ACACA: variants seen among roughly 807,000 people sequenced by gnomAD.
ACACA encodes acetyl-CoA carboxylase alpha.
A neutral mutation model predicts 296.1 loss-of-function variants in ACACA; 103 were observed. That is an observed-to-expected ratio of 0.35 (90% CI 0.30 to 0.41). The LOEUF is 0.41. Among genes scored for constraint, ACACA ranks in the 10% least tolerant of loss-of-function variants. ACACA has a pLI of 1.00. For synonymous variants in ACACA, 953 were observed against 1,038.6 expected (o/e 0.92, Z 1.58); for missense variants, 1,554 against 2,989.7 (o/e 0.52, Z 11.20).
intron 55 of ACACA, among the ~76,000 whole-genome samples, chr17:37,087,869 T>TATCA (rs2072324726): frequency 1.3e-5 from 2 of 152,150 alleles, no homozygotes; most frequent in Admixed American, 6.5e-5. Flanking sequence ...GTTGGAAAGT[T>TATCA]ATCATTTTGC....
At position 37,179,992 on chromosome 17, in the gene ACACA, T is replaced by TA. The variant is rs1244131341; in HGVS notation, c.4933-587dup. On this transcript the variant is annotated intron_variant, in intron 40 of 55. Transcript: ENST00000616317. ...TTTGACACAGACATACCAATTCATT[T>TA]AAAAAATATTATGATTTCCATTTCC... Among the ~76,000 whole-genome samples, 5 of 152,312 alleles carry TA rather than the reference T, an allele frequency of 3.3e-5. No homozygotes were observed. In the East Asian group the frequency reaches 9.6e-4, roughly 29 times the overall value.
At chr17:37,213,617 CCA>C (rs1555599306) in intron 29 of ACACA, among the ~76,000 whole-genome samples, 2 of 152,134 alleles carry the variant, frequency 1.3e-5, no homozygotes, top group Non-Finnish European at 2.9e-5. Context: ...GTGTCATAAA[CCA>C]CAATCTAGAC....
intron 1 of ACACA, chr17:37,391,527 C>T: frequency 1.2e-6 from 1 of 846,016 alleles, no homozygotes; most frequent in East Asian, 2.4e-5. Context: ...AACAAAGAGG[C>T]AAAATGAAGT....
intron 41 of ACACA, among the ~76,000 whole-genome samples, chr17:37,174,007 TATA>T (rs1567762036): frequency 1.1e-3 from 17 of 15,644 alleles, no homozygotes; most frequent in African/African-American, 2.7e-3. Flanking sequence ...TATATATATA[TATA>T]TATATATATA....
chr17:37,361,383 G>A (rs2049399446), intron 1 of ACACA, among the ~76,000 whole-genome samples: 1 of 152,050 alleles, frequency 6.6e-6, no homozygotes, highest in South Asian at 2.1e-4. Context: ...TACAAGCTCT[G>A]CAAAACCAGG....
rs546275529 is a variant in ACACA, at chr17:37,329,750, G to A, written c.338+423C>T. On this transcript the variant is annotated intron_variant, in intron 3 of 55. Transcript: ENST00000616317. Reference sequence around the variant, plus strand: ...AGGTCAGGAGTTCAAGACCAGCCTGGCCAACATGGTGAAACTCCATCTCTA... The same window carrying A: ...AGGTCAGGAGTTCAAGACCAGCCTGACCAACATGGTGAAACTCCATCTCTA... 1.1e-4 allele frequency among the ~76,000 whole-genome samples: 17 copies of A among 152,116 alleles called. No homozygotes were observed. In the South Asian group the frequency reaches 2.3e-3, roughly 20 times the overall value.
chr17:37,268,741 C>CTATA (rs71368449), intron 10 of ACACA, among the ~76,000 whole-genome samples: 2,518 of 94,376 alleles, frequency 0.027, 32 homozygotes, highest in South Asian at 0.029. Context: ...ATCTATCTAT[C>CTATA]TATATATATA....
At chr17:37,396,689 T>C (rs940761354) in intron 1 of ACACA, among the ~76,000 whole-genome samples, 1 of 152,174 alleles carries the variant, frequency 6.6e-6, no homozygotes, top group African/African-American at 2.4e-5. Flanking sequence ...AAGGAAGAGT[T>C]GCTGCATGTA....
chr17:37,396,566 C>T (rs951422370), intron 1 of ACACA, among the ~76,000 whole-genome samples: 1 of 152,038 alleles, frequency 6.6e-6, no homozygotes, highest in Non-Finnish European at 1.5e-5. Context: ...CCATTATTTC[C>T]TCATATCTCC....
intron 13 of ACACA, 114 bp from the exon 14 acceptor site, chr17:37,257,980 A>G: frequency 7.1e-7 from 1 of 1,404,120 alleles, no homozygotes; most frequent in Non-Finnish European, 9.9e-7. Context: ...AAGACACACA[A>G]AAATGATAAA....
intron 55 of ACACA, 144 bp downstream of exon 55, chr17:37,088,792 CTG>C (rs904386665): frequency 1.8e-6 from 2 of 1,103,178 alleles, no homozygotes; most frequent in African/African-American, 3.1e-5. Flanking sequence ...ATATCTGTAC[CTG>C]TGGGTCAACT....
rs566513421 is a variant in ACACA, at chr17:37,133,500, C to T, written c.5680-3282G>A. Among the ~76,000 whole-genome samples the T allele has an allele frequency of 5.3e-5, 8 of 152,310 alleles. No individual in the cohort carries two copies. The South Asian group carries it at 1.4e-3, about 28-fold the overall frequency. On this transcript the variant is annotated intron_variant, in intron 45 of 55. Transcript: ENST00000616317. Reference sequence around the variant, plus strand: ...TGAAATGATCATGCTATAACAGTTACACAAACCCTCATCAGTATCTAGGAA... The same window carrying T: ...TGAAATGATCATGCTATAACAGTTATACAAACCCTCATCAGTATCTAGGAA...
chr17:37,107,871 C>T (rs759164520), intron 52 of ACACA, among the ~76,000 whole-genome samples: 8 of 152,180 alleles, frequency 5.3e-5, no homozygotes, highest in Admixed American at 1.3e-4. Flanking sequence ...GAGAGGACCT[C>T]AGGTCACAGC....
chr17:37,390,310 A>ATATATATAT (rs1555672276), intron 1 of ACACA, among the ~76,000 whole-genome samples: 13 of 48,298 alleles, frequency 2.7e-4, no homozygotes, highest in Admixed American at 8.5e-4. Context: ...ATAATTATAT[A>ATATATATAT]TATATATATA....
At chr17:37,094,448 T>C (rs2072845546) in intron 54 of ACACA, among the ~76,000 whole-genome samples, 1 of 152,178 alleles carries the variant, frequency 6.6e-6, no homozygotes, top group Non-Finnish European at 1.5e-5. Context: ...TGTCTTTTCT[T>C]ACCAGTAACC....
intron 28 of ACACA, chr17:37,222,107 C>T (rs1022877247): frequency 2.8e-5 from 14 of 500,054 alleles, no homozygotes; most frequent in Non-Finnish European, 5.1e-5. Context: ...CCACACTAAC[C>T]TAAACCCTGG....
intron 2 of ACACA, among the ~76,000 whole-genome samples, 191 bp downstream of exon 2, chr17:37,339,613 C>T (rs563783998): frequency 6.6e-6 from 1 of 152,324 alleles, no homozygotes; most frequent in South Asian, 2.1e-4. Flanking sequence ...TGATTCTAGT[C>T]CTGAATTAAA....
intron 43 of ACACA, among the ~76,000 whole-genome samples, 190 bp from the exon 44 acceptor site, chr17:37,151,611 T>A (rs1194117872): frequency 6.6e-6 from 1 of 152,230 alleles, no homozygotes; most frequent in Admixed American, 6.5e-5. Flanking sequence ...CTATTTTACC[T>A]GGAAGCAACA....
intron 43 of ACACA, among the ~76,000 whole-genome samples, chr17:37,153,168 G>A (rs142516260): frequency 2.0e-5 from 3 of 152,228 alleles, no homozygotes; most frequent in African/African-American, 7.2e-5. Context: ...AGACTTGCCT[G>A]TAACAAACTC....
Sources: allele counts gnomAD v4.1 joint callset (sites outside exome capture counted in the v4.1 genomes callset), GRCh38; gene constraint gnomAD v4.1.1; transcripts MANE v1.5; gene names NCBI Gene and HGNC (gene_info 2026-07-23, HGNC 2026-07-21).